COL26A1: variants seen among roughly 807,000 people sequenced by gnomAD.
COL26A1 encodes the protein collagen type XXVI alpha 1 chain.
In COL26A1, 41 loss-of-function variants were observed where a neutral mutation model predicts 59.3. That is an observed-to-expected ratio of 0.69 (90% CI 0.54 to 0.90). The LOEUF (loss-of-function observed/expected upper bound fraction) is 0.90, where lower values mean the gene tolerates loss of function less well. COL26A1 is among the 40% of genes least tolerant of loss of function. The pLI is 0.00. For missense variants in COL26A1, 612 were observed against 602.3 expected (o/e 1.02, Z -0.17); for synonymous variants, 266 against 256.0 (o/e 1.04, Z -0.37).
chr7:101,399,669 G>T (rs1791945049), intron 1 of COL26A1, among the ~76,000 whole-genome samples: 2 of 152,102 alleles, frequency 1.3e-5, no homozygotes, highest in South Asian at 4.2e-4. Context: ...ATGTTGCCCA[G>T]GCTGGTCTCA....
chr7:101,373,533 G>GAATT (rs1036675785), intron 1 of COL26A1, among the ~76,000 whole-genome samples: 3 of 151,960 alleles, frequency 2.0e-5, no homozygotes, highest in African/African-American at 7.3e-5. Flanking sequence ...ACACATGAAT[G>GAATT]AATGAACAAA....
intron 3 of COL26A1, among the ~76,000 whole-genome samples, chr7:101,453,075 TG>T (rs1179969192): frequency 1.3e-5 from 2 of 151,944 alleles, no homozygotes; most frequent in African/African-American, 4.8e-5. Flanking sequence ...ATAATTTTAA[TG>T]GGGGTGGGGG....
chr7:101,382,844 G>C (rs1208143848), intron 1 of COL26A1, among the ~76,000 whole-genome samples: 1 of 152,078 alleles, frequency 6.6e-6, no homozygotes, highest in Non-Finnish European at 1.5e-5. Context: ...CCAGGAGTTT[G>C]AGACCAGGCT....
intron 3 of COL26A1, among the ~76,000 whole-genome samples, chr7:101,477,423 T>C (rs559877833): frequency 3.9e-5 from 6 of 152,306 alleles, no homozygotes; most frequent in African/African-American, 1.4e-4. Context: ...GTATGTGTAT[T>C]ATAAGCCCTC....
intron 1 of COL26A1, among the ~76,000 whole-genome samples, chr7:101,400,653 G>T (rs961782763): frequency 1.3e-5 from 2 of 152,102 alleles, no homozygotes; most frequent in African/African-American, 4.8e-5. Context: ...CTGCCTCCCA[G>T]GTTCAAACGA....
At chr7:101,446,724 A>G (rs538287671) in intron 2 of COL26A1, among the ~76,000 whole-genome samples, 302 of 152,036 alleles carry the variant, frequency 2.0e-3, no homozygotes, top group African/African-American at 7.2e-3. Context: ...GCACACACCT[A>G]TAATCTCAGC....
chr7:101,434,923 CA>C (rs1792880181), intron 2 of COL26A1, among the ~76,000 whole-genome samples: 1 of 152,184 alleles, frequency 6.6e-6, no homozygotes, highest in South Asian at 2.1e-4. Flanking sequence ...AGATTCACAG[CA>C]TTGGAGGGAG....
intron 3 of COL26A1, among the ~76,000 whole-genome samples, chr7:101,475,190 T>C (rs902481009): frequency 6.6e-6 from 1 of 151,082 alleles, no homozygotes; most frequent in African/African-American, 2.5e-5. Flanking sequence ...AGCAAGACTC[T>C]GTCTCAAATA....
intron 6 of COL26A1, 125 bp downstream of exon 6, chr7:101,544,221 CG>C: frequency 1.5e-6 from 1 of 660,892 alleles, no homozygotes; most frequent in Non-Finnish European, 2.6e-6. Flanking sequence ...ACCAGAAAAA[CG>C]GGGTCTTTTT....
At chr7:101,428,196 A>G (rs1369379746) in intron 2 of COL26A1, among the ~76,000 whole-genome samples, 1 of 152,020 alleles carries the variant, frequency 6.6e-6, no homozygotes, top group Non-Finnish European at 1.5e-5. Context: ...TGTCTCTACA[A>G]AAATTTTAAA....
rs1473155170 is a variant in COL26A1 at position 101,443,855 on chromosome 7, CTTTTCCTTTTTCTTTTCT to C, written c.282-3824_282-3807del. On this transcript the variant is annotated intron_variant, in intron 2 of 12. Transcript: ENST00000313669. Reference sequence around the variant, plus strand: ...CCCACTACTGTATTCCAAGTTTTTTCTTTTCCTTTTTCTTTTCTTTTTTTTTTTTTTTTCAGAGACAGG... The same window carrying C: ...CCCACTACTGTATTCCAAGTTTTTTCTTTTTTTTTTTTTTTCAGAGACAGG... Among the ~76,000 whole-genome samples, 10 of 141,810 alleles carry C rather than the reference CTTTTCCTTTTTCTTTTCT, an allele frequency of 7.1e-5. No individual in the cohort carries two copies. In the Admixed American group the frequency reaches 7.4e-4, roughly 11 times the overall value. 93.0% of individuals were successfully genotyped at this position (141,810 alleles called of 152,430 possible).
intron 3 of COL26A1, among the ~76,000 whole-genome samples, chr7:101,530,032 G>A (rs1795331238): frequency 6.6e-6 from 1 of 152,146 alleles, no homozygotes; most frequent in African/African-American, 2.4e-5. Flanking sequence ...CATCCACAGA[G>A]CCTTCGGGTG....
At chr7:101,483,749 A>G (rs1002201938) in intron 3 of COL26A1, among the ~76,000 whole-genome samples, 3 of 149,678 alleles carry the variant, frequency 2.0e-5, no homozygotes, top group Non-Finnish European at 3.0e-5. Context: ...ATCTCAGCTC[A>G]CTGCAACCTC....
intron 3 of COL26A1, among the ~76,000 whole-genome samples, chr7:101,527,796 G>A (rs1039675482): frequency 6.6e-6 from 1 of 151,896 alleles, no homozygotes; most frequent in Non-Finnish European, 1.5e-5. Flanking sequence ...GTGCTCCAGG[G>A]CCAGTGTGTT....
At chr7:101,507,874 C>T (rs910641702) in intron 3 of COL26A1, among the ~76,000 whole-genome samples, 1 of 152,048 alleles carries the variant, frequency 6.6e-6, no homozygotes, top group Non-Finnish European at 1.5e-5. Flanking sequence ...CAAATAGCAC[C>T]GCCGCTGGTC....
chr7:101,507,199 G>C (rs1794829855), intron 3 of COL26A1, among the ~76,000 whole-genome samples: 1 of 152,116 alleles, frequency 6.6e-6, no homozygotes, highest in Non-Finnish European at 1.5e-5. Flanking sequence ...ACAGATGTGA[G>C]CCACCGCGCC....
chr7:101,557,597 G>A lies in COL26A1; in HGVS notation c.*67G>A. The A allele has an allele frequency of 6.8e-7, 1 of 1,478,794 alleles. No homozygotes were observed. The highest frequency in any genetic ancestry group is 9.1e-7 in the Non-Finnish European group (1 of 1,099,086). The allele number at this position is 1,478,794 out of a possible 1,614,324, so 91.6% of individuals were successfully genotyped here. A position where few individuals can be genotyped will look rare whatever the true frequency, so the allele number is the denominator to read the frequency against. ...AGCCCCAGAGGCCTGAGCCGCCGCT[G>A]TTTCCTAAAGATGCCCCCAGGGGAA... On this transcript the variant is annotated 3_prime_UTR_variant, in exon 13 of 13. Coordinates refer to ENST00000313669, the MANE Select transcript of COL26A1 (RefSeq NM_001278563.3).
chr7:101,431,578 C>CT (rs1159232235), intron 2 of COL26A1, among the ~76,000 whole-genome samples: 22 of 151,944 alleles, frequency 1.4e-4, no homozygotes, highest in African/African-American at 5.1e-4. Context: ...TTCAAAGATG[C>CT]TTTTTATCAA....
At chr7:101,539,686 A>G (rs1795565928) in intron 4 of COL26A1, among the ~76,000 whole-genome samples, 1 of 152,076 alleles carries the variant, frequency 6.6e-6, no homozygotes. Context: ...GTCCAGAAAG[A>G]CTTTCCTGAT....
Sources: gnomAD v4.1 joint callset for allele counts (sites outside exome capture counted in the v4.1 genomes callset) on GRCh38, gnomAD v4.1.1 for gene constraint, MANE v1.5 for transcripts, NCBI Gene and HGNC (gene_info 2026-07-23, HGNC 2026-07-21) for gene names.